RAP1GAP: variants seen among roughly 807,000 people sequenced by gnomAD.
RAP1GAP encodes RAP1 GTPase activating protein.
RAP1GAP carries 35 observed loss-of-function variants against 87.2 expected under a neutral mutation model. That is an observed-to-expected ratio of 0.40 (90% CI 0.31 to 0.53). RAP1GAP has a LOEUF of 0.53. RAP1GAP is among the 20% of genes least tolerant of loss of function. RAP1GAP has a pLI of 0.48. For synonymous variants in RAP1GAP, 375 were observed against 363.9 expected (o/e 1.03, Z -0.35); for missense variants, 734 against 898.9 (o/e 0.82, Z 2.35).
rs1645284800 is a variant in RAP1GAP, at chr1:21,596,544, T to G, written c.*755A>C. Reference sequence around the variant, plus strand: ...ATGAGGGGGTTACTTGTCTGTCATGTGTAGGCAGTGGACAGGGCATCGGCA... The same window carrying G: ...ATGAGGGGGTTACTTGTCTGTCATGGGTAGGCAGTGGACAGGGCATCGGCA... On this transcript the variant is annotated 3_prime_UTR_variant, in exon 25 of 25. Coordinates refer to ENST00000374765, the MANE Select transcript of RAP1GAP (RefSeq NM_002885.4). The G allele has an allele frequency of 6.6e-6, 1 of 152,328 alleles. No homozygotes were observed. The highest frequency in any genetic ancestry group is 6.5e-5 in the Admixed American group (1 of 15,280). The allele number at this position is 152,328 out of a possible 1,614,324, so 9.4% of individuals were successfully genotyped here. A position where few individuals can be genotyped will look rare whatever the true frequency, so the allele number is the denominator to read the frequency against.
intron 2 of RAP1GAP, among the ~76,000 whole-genome samples, chr1:21,641,235 G>A (rs1235009674): frequency 6.6e-6 from 1 of 152,046 alleles, no homozygotes; most frequent in African/African-American, 2.4e-5. Flanking sequence ...AGCAGTTCCT[G>A]ATCTGAAAGA....
At chr1:21,639,167 G>A (rs553434179) in intron 2 of RAP1GAP, among the ~76,000 whole-genome samples, 7 of 152,232 alleles carry the variant, frequency 4.6e-5, no homozygotes, top group African/African-American at 9.6e-5. Flanking sequence ...TGCTCCTAGC[G>A]CGGGCTCCAT....
Position 21,622,089 on chromosome 1 carries a change from CCA to C in RAP1GAP, c.-18-2041_-18-2040del. On this transcript the variant is annotated intron_variant, in intron 3 of 24. Coordinates refer to ENST00000374765, the MANE Select transcript of RAP1GAP (RefSeq NM_002885.4). This position sits in a 1 kb window ranked among gnomAD's most constrained non-coding sequence, Gnocchi z 5.7. ...AAGTGGTCCCGACGGTAGCACGCAC[CCA>C]CACACACCCTGCCGCTGCAGCCCAG... 6.6e-6 allele frequency among the ~76,000 whole-genome samples: 1 copy of C among 152,258 alleles called. No individual in the cohort carries two copies. The highest frequency in any genetic ancestry group is 2.1e-4 in the South Asian group (1 of 4,828).
chr1:21,629,598 AGGGGCTCCAGGAT>A (rs776362582), intron 2 of RAP1GAP, among the ~76,000 whole-genome samples: 136 of 152,228 alleles, frequency 8.9e-4, no homozygotes, highest in Non-Finnish European at 1.5e-3. Flanking sequence ...AGGGGAAGGG[AGGGGCTCCAGGAT>A]GGGGACAGAG....
chr1:21,622,771 C>T lies in RAP1GAP; in HGVS notation c.-18-2721G>A, dbSNP rs2089587045. ...CCCCCACTCGGTTCTCCCCAGCGCGCCCCCACCTCACTTTCTCCATCTTCC... is the reference window on the plus strand; with the variant it reads ...CCCCCACTCGGTTCTCCCCAGCGCGTCCCCACCTCACTTTCTCCATCTTCC... On this transcript the variant is annotated intron_variant, in intron 3 of 24. Coordinates refer to ENST00000374765, the MANE Select transcript of RAP1GAP (RefSeq NM_002885.4). The surrounding 1 kb of genome is among the most constrained non-coding windows in gnomAD (Gnocchi z 5.7). Among the ~76,000 whole-genome samples, 1 of 151,990 alleles carries T rather than the reference C, an allele frequency of 6.6e-6. No homozygotes were observed. The highest frequency in any genetic ancestry group is 1.5e-5 in the Non-Finnish European group (1 of 67,964).
chr1:21,638,987 C>G (rs947233230), intron 2 of RAP1GAP, among the ~76,000 whole-genome samples: 33 of 152,366 alleles, frequency 2.2e-4, no homozygotes, highest in African/African-American at 7.7e-4. Context: ...ATTAGACAAC[C>G]TGCTCCGAGG....
intron 14 of RAP1GAP, 63 bp downstream of exon 14, chr1:21,610,057 G>T: frequency 6.4e-7 from 1 of 1,568,894 alleles, no homozygotes; most frequent in Non-Finnish European, 8.7e-7. Flanking sequence ...GGGCATCCCA[G>T]GGAGGGCAGA....
chr1:21,611,125 A>C (rs536315574), intron 13 of RAP1GAP, among the ~76,000 whole-genome samples: 2 of 152,238 alleles, frequency 1.3e-5, no homozygotes, highest in East Asian at 1.9e-4. Context: ...CCAAGACTAC[A>C]TGTCCCCACA....
chr1:21,641,595 T>C (rs1317787998), intron 2 of RAP1GAP, among the ~76,000 whole-genome samples: 1 of 152,218 alleles, frequency 6.6e-6, no homozygotes, highest in African/African-American at 2.4e-5. Context: ...TCCCCAGTTC[T>C]TAGACTAGTA....
intron 21 of RAP1GAP, among the ~76,000 whole-genome samples, chr1:21,598,800 A>G (rs990039932): frequency 6.6e-6 from 1 of 152,252 alleles, no homozygotes; most frequent in Non-Finnish European, 1.5e-5. Context: ...CAGGAGCCTG[A>G]TATCTGGGAG....
chr1:21,646,378 T>A (rs563944804), intron 2 of RAP1GAP, among the ~76,000 whole-genome samples: 4 of 152,278 alleles, frequency 2.6e-5, no homozygotes, highest in African/African-American at 9.6e-5. Context: ...CTGACCTAGG[T>A]CCCTTCCTCA....
At chr1:21,662,785 A>G (rs1218469949) in intron 1 of RAP1GAP, among the ~76,000 whole-genome samples, 6 of 152,116 alleles carry the variant, frequency 3.9e-5, no homozygotes, top group African/African-American at 7.2e-5. Context: ...CCTCAATTCA[A>G]ATCTCAGCCC....
At chr1:21,612,424 A>G (rs1231082453) in intron 10 of RAP1GAP, among the ~76,000 whole-genome samples, 1 of 151,832 alleles carries the variant, frequency 6.6e-6, no homozygotes, top group Non-Finnish European at 1.5e-5. Flanking sequence ...TGCCAAGCCC[A>G]CCCCTACTCC....
intron 2 of RAP1GAP, among the ~76,000 whole-genome samples, chr1:21,643,316 T>G (rs945163559): frequency 4.6e-5 from 7 of 151,958 alleles, no homozygotes; most frequent in Non-Finnish European, 1.0e-4. Flanking sequence ...TCCTAGCACC[T>G]TGGGAGGCCG....
At chr1:21,659,729 C>T (rs914093804) in intron 1 of RAP1GAP, among the ~76,000 whole-genome samples, 1 of 152,360 alleles carries the variant, frequency 6.6e-6, no homozygotes, top group South Asian at 2.1e-4. Context: ...CTTCCGAGCT[C>T]TTCGGGACCT....
At chr1:21,617,582 G>A (rs2083078789) in intron 6 of RAP1GAP, 91 bp from the exon 7 acceptor site, 2 of 1,412,504 alleles carry the variant, frequency 1.4e-6, no homozygotes, top group Middle Eastern at 5.0e-4. Flanking sequence ...AGCCGCTTCT[G>A]TCGTGGCTAA....
intron 2 of RAP1GAP, among the ~76,000 whole-genome samples, chr1:21,631,310 G>T (rs2093682529): frequency 6.6e-6 from 1 of 152,192 alleles, no homozygotes; most frequent in Admixed American, 6.5e-5. Context: ...CCTTCCCCCT[G>T]CCATGACCGT....
chr1:21,628,323 C>A (rs950095627), intron 2 of RAP1GAP, among the ~76,000 whole-genome samples: 1 of 138,794 alleles, frequency 7.2e-6, no homozygotes, highest in East Asian at 2.2e-4. Context: ...GAGGCCAAGG[C>A]GGGCAGATCA....
chr1:21,646,258 C>A (rs2096048464), intron 2 of RAP1GAP, among the ~76,000 whole-genome samples: 1 of 152,232 alleles, frequency 6.6e-6, no homozygotes, highest in South Asian at 2.1e-4. Context: ...CAGCAGGACA[C>A]ATGGACTGAG....
Sources: gnomAD v4.1 joint callset for allele counts (sites outside exome capture counted in the v4.1 genomes callset) on GRCh38, gnomAD v4.1.1 for gene constraint, Gnocchi (gnomAD v3.1) non-coding constraint, MANE v1.5 for transcripts, NCBI Gene and HGNC (gene_info 2026-07-23, HGNC 2026-07-21) for gene names.